Variants in SMARCB1 observed in about 807,000 individuals in gnomAD.
SMARCB1 encodes SWI/SNF-related matrix-associated actin-dependent regulator of chromatin subfamily B member 1.
SMARCB1 carries 5 observed loss-of-function variants against 49.0 expected under a neutral mutation model. That is an observed-to-expected ratio of 0.10 (90% CI 0.05 to 0.21). The LOEUF (loss-of-function observed/expected upper bound fraction) is 0.21, where lower values mean the gene tolerates loss of function less well. Among genes scored for constraint, SMARCB1 ranks in the 10% least tolerant of loss-of-function variants. SMARCB1 has a pLI of 1.00. For missense variants in SMARCB1, 226 were observed against 509.2 expected, an observed-to-expected ratio of 0.44 and a Z score of 5.35; for synonymous variants, 201 against 200.1, an observed-to-expected ratio of 1.00 and a Z score of -0.04.
At position 23,834,794 on chromosome 22, in the gene SMARCB1, G is replaced by C; in HGVS notation, c.*614G>C. On this transcript the variant is annotated 3_prime_UTR_variant, in exon 9 of 9. Transcript: ENST00000644036. Reference sequence around the variant, plus strand: ...GGGCAAGAGGCTCTCTGCCTTTCAGGAACAGCCCTAACCCTGCTCCCCTTG... The same window carrying C: ...GGGCAAGAGGCTCTCTGCCTTTCAGCAACAGCCCTAACCCTGCTCCCCTTG... 1 of 1,589,294 alleles carries C rather than the reference G, an allele frequency of 6.3e-7. No homozygotes were observed. Among genetic ancestry groups the C allele is most frequent in the East Asian group, 2.2e-5 (1 of 44,704 alleles).
chr22:23,795,428 G>A (rs1928680615), intron 3 of SMARCB1, among the ~76,000 whole-genome samples: 1 of 152,164 alleles, frequency 6.6e-6, no homozygotes, highest in South Asian at 2.1e-4. Context: ...GGCCGAGGCG[G>A]GCGGATCACC....
intron 5 of SMARCB1, among the ~76,000 whole-genome samples, chr22:23,805,429 CAT>C (rs2145986877): frequency 6.6e-6 from 1 of 152,226 alleles, no homozygotes; most frequent in Admixed American, 6.5e-5. Context: ...TGGCCCACAT[CAT>C]AGTTATTTGT....
At chr22:23,787,410 G>T (rs1289451961) in intron 1 of SMARCB1, 148 bp downstream of exon 1, 10 of 450,144 alleles carry the variant, frequency 2.2e-5, no homozygotes, top group Non-Finnish European at 3.5e-5. Flanking sequence ...GGCCTAGTGG[G>T]CGTGTCGGGT....
intron 5 of SMARCB1, 96 bp downstream of exon 5, chr22:23,803,518 C>T (rs941938482): frequency 2.8e-6 from 4 of 1,423,684 alleles, no homozygotes; most frequent in Non-Finnish European, 3.9e-6. Flanking sequence ...CAGGCAGATT[C>T]TGGACCTGAC....
chr22:23,836,670 C>T lies in SMARCB1; in HGVS notation c.*2490C>T, dbSNP rs1455065055. ...GCTGAGAGGCCACACTGAGTGAGGA[C>T]GGGGCAGGCATAGAAGGATGTGGCC... On this transcript the variant is annotated 3_prime_UTR_variant, in exon 9 of 9. Coordinates refer to ENST00000644036, the MANE Select transcript of SMARCB1 (RefSeq NM_003073.5). The T allele has an allele frequency of 1.0e-5, 13 of 1,276,264 alleles. No individual in the cohort carries two copies. The highest frequency in any genetic ancestry group is 2.9e-4 in the Middle Eastern group (1 of 3,462). 79.1% of individuals were successfully genotyped at this position (1,276,264 alleles called of 1,614,324 possible).
chr22:23,792,925 G>A (rs1196945969), intron 2 of SMARCB1: 3 of 169,488 alleles, frequency 1.8e-5, no homozygotes, highest in East Asian at 3.0e-4. Flanking sequence ...GGAGAAGCCA[G>A]ACTGGGCCCA....
chr22:23,836,199 T>C lies in SMARCB1; in HGVS notation c.*2019T>C. 1 of 985,456 alleles carries C rather than the reference T, an allele frequency of 1.0e-6. No individual in the cohort carries two copies. The highest frequency in any genetic ancestry group is 1.2e-6 in the Non-Finnish European group (1 of 829,936). 61.0% of individuals were successfully genotyped at this position (985,456 alleles called of 1,614,324 possible). ...TCTGCTAAGGTGAAAACTTAGGCTC[T>C]GAGGTCATAGAAAGGGCAGAAGACC... On this transcript the variant is annotated 3_prime_UTR_variant, in exon 9 of 9. Coordinates refer to ENST00000644036, the MANE Select transcript of SMARCB1 (RefSeq NM_003073.5).
intron 7 of SMARCB1, among the ~76,000 whole-genome samples, chr22:23,831,339 C>T (rs2030647250): frequency 6.6e-6 from 1 of 152,234 alleles, no homozygotes; most frequent in Admixed American, 6.5e-5. Context: ...TCAGTCCTGG[C>T]TCCCTCTGTC....
intron 7 of SMARCB1, among the ~76,000 whole-genome samples, chr22:23,826,819 G>A (rs561778589): frequency 7.2e-5 from 11 of 152,334 alleles, no homozygotes; most frequent in South Asian, 2.1e-4. Flanking sequence ...TCAAGGGCCC[G>A]GGCCTGGGAA....
chr22:23,817,143 C>T (rs889231654), intron 6 of SMARCB1: 2 of 613,242 alleles, frequency 3.3e-6, no homozygotes, highest in Non-Finnish European at 5.9e-6. Context: ...ATATTCCGGA[C>T]ACATTCAGGG....
In SMARCB1 at chr22:23,787,146, C is replaced by T. The variant is rs1337702652; in HGVS notation, c.-24C>T. Reference sequence around the variant, plus strand: ...CTCCTGATCCCTCGCAGCCCGGCTCCGGCCGCCCGCCTCTGCCGCCGCAAT... The same window carrying T: ...CTCCTGATCCCTCGCAGCCCGGCTCTGGCCGCCCGCCTCTGCCGCCGCAAT... On this transcript the variant is annotated 5_prime_UTR_variant, in exon 1 of 9. Coordinates refer to ENST00000644036, the MANE Select transcript of SMARCB1 (RefSeq NM_003073.5). The T allele has an allele frequency of 4.5e-6, 7 of 1,551,130 alleles. No individual in the cohort carries two copies. Among genetic ancestry groups the T allele is most frequent in the Non-Finnish European group, 6.2e-6 (7 of 1,126,408 alleles).
At chr22:23,803,132 G>A (rs1215006403) in intron 4 of SMARCB1, 163 bp from the exon 5 acceptor site, 10 of 865,926 alleles carry the variant, frequency 1.2e-5, no homozygotes, top group Admixed American at 3.5e-5. Flanking sequence ...CCGTGGCCCC[G>A]GGACCCCTGC....
rs1568964417 is a variant in SMARCB1 at position 23,834,500 on chromosome 22, ATGTT to A, written c.*321_*324del. On this transcript the variant is annotated 3_prime_UTR_variant, in exon 9 of 9. Coordinates refer to ENST00000644036, the MANE Select transcript of SMARCB1 (RefSeq NM_003073.5). Reference sequence around the variant, plus strand: ...GTTTTTAAATAAAAGGCAACAGGTCATGTTCAATTTCTTCAACAGGTCATGTTCA... The same window carrying A: ...GTTTTTAAATAAAAGGCAACAGGTCACAATTTCTTCAACAGGTCATGTTCA... The A allele has an allele frequency of 1.2e-5, 6 of 507,620 alleles. No individual in the cohort carries two copies. The African/African-American group carries it at 1.3e-4, about 11-fold the overall frequency. The allele number at this position is 507,620 out of a possible 1,614,324, so 31.4% of individuals were successfully genotyped here. A position where few individuals can be genotyped will look rare whatever the true frequency, so the allele number is the denominator to read the frequency against.
At chr22:23,804,578 C>T (rs1446793230) in intron 5 of SMARCB1, among the ~76,000 whole-genome samples, 1 of 152,190 alleles carries the variant, frequency 6.6e-6, no homozygotes, top group East Asian at 1.9e-4. Context: ...GAGTCTCACT[C>T]TGTCGCCCAG....
chr22:23,831,224 G>A (rs2030640104), intron 7 of SMARCB1, among the ~76,000 whole-genome samples: 2 of 152,196 alleles, frequency 1.3e-5, no homozygotes, highest in African/African-American at 2.4e-5. Context: ...CTTGAAGTCT[G>A]TATTTTGTCA....
At chr22:23,810,550 AAG>A (rs1929809941) in intron 5 of SMARCB1, among the ~76,000 whole-genome samples, 1 of 139,922 alleles carries the variant, frequency 7.1e-6, no homozygotes, top group Non-Finnish European at 1.6e-5. Context: ...AAAAAAAAGA[AAG>A]AAAGGAAAAG....
intron 6 of SMARCB1, among the ~76,000 whole-genome samples, chr22:23,822,086 C>T (rs2036787683): frequency 6.6e-6 from 1 of 152,204 alleles, no homozygotes; most frequent in Non-Finnish European, 1.5e-5. Context: ...GGAGCCATGG[C>T]ACATGAGGAC....
At chr22:23,801,108 T>A (rs2145979094) in intron 4 of SMARCB1, 27 bp downstream of exon 4, 1 of 1,614,188 alleles carries the variant, frequency 6.2e-7, no homozygotes, top group Non-Finnish European at 8.5e-7. Flanking sequence ...GCACTCACCC[T>A]CCGTGCTGAT....
At chr22:23,796,701 A>G (rs1274917307) in intron 3 of SMARCB1, among the ~76,000 whole-genome samples, 2 of 152,192 alleles carry the variant, frequency 1.3e-5, no homozygotes, top group African/African-American at 4.8e-5. Flanking sequence ...TATGGAGGGC[A>G]CTTTAATTCT....
Sources: allele counts gnomAD v4.1 joint callset (sites outside exome capture counted in the v4.1 genomes callset), GRCh38; gene constraint gnomAD v4.1.1; transcripts MANE v1.5; gene names NCBI Gene and HGNC (gene_info 2026-07-23, HGNC 2026-07-21).